ZNF232: variants seen among roughly 807,000 people sequenced by gnomAD.
ZNF232 encodes the protein zinc finger protein 232, also known as zinc finger and SCAN domain-containing protein 11.
ZNF232 carries 25 observed loss-of-function variants against 25.2 expected under a neutral mutation model. That is an observed-to-expected ratio of 0.99 (90% CI 0.72 to 1.39). The LOEUF (loss-of-function observed/expected upper bound fraction) is 1.39. ZNF232 is among the 40% of genes most tolerant of loss of function. The pLI, the probability that ZNF232 is intolerant of heterozygous loss-of-function variation, is 0.00. For synonymous variants in ZNF232, 193 were observed against 182.9 expected (o/e 1.06, Z -0.45); for missense variants, 519 against 520.9 (o/e 1.00, Z 0.04).
At chr17:5,119,283 A>G (rs2072599310) in intron 1 of ZNF232, among the ~76,000 whole-genome samples, 1 of 152,240 alleles carries the variant, frequency 6.6e-6, no homozygotes, top group Non-Finnish European at 1.5e-5. Context: ...GTTCCAAAGT[A>G]GACTGCTCCC....
chr17:5,109,708 C>T (rs1338755530), exon 2 of ZNF232: 1 of 1,614,160 alleles, frequency 6.2e-7, no homozygotes. Flanking sequence ...GTCTCATACT[C>T]ACAAGACTGT....
upstream of ZNF232, chr17:5,114,205 CTGAT>C (rs1368736817): frequency 1.3e-5 from 2 of 152,206 alleles, no homozygotes; most frequent in Admixed American, 6.5e-5. Context: ...GACCTGAGCT[CTGAT>C]TGAAAATTCT....
At chr17:5,113,593 C>T (rs2143645710), upstream of ZNF232, 1 of 152,358 alleles carries the variant, frequency 6.6e-6, no homozygotes, top group African/African-American at 2.4e-5. Flanking sequence ...TTAGCTGCTT[C>T]TGTATCTAAT....
At position 5,117,101 on chromosome 17, in the gene ZNF232, T is replaced by C. The variant is rs537901858; in HGVS notation, c.-529-4750A>G. Among the ~76,000 whole-genome samples the C allele has an allele frequency of 1.3e-3, 196 of 152,380 alleles. 1 individual carries two copies. Among genetic ancestry groups the C allele is most frequent in the African/African-American group, 4.4e-3 (184 of 41,584 alleles). ...ATATGCCTCTCCTTTTTGGCACTTATGGTTGCAACTTTATTAATGATTCTA... is the reference window on the plus strand; with the variant it reads ...ATATGCCTCTCCTTTTTGGCACTTACGGTTGCAACTTTATTAATGATTCTA... On this transcript the variant is annotated intron_variant, in intron 1 of 4. Coordinates refer to the ZNF232 transcript ENST00000250076.
intron 1 of ZNF232, chr17:5,118,121 A>G (rs2072575823): frequency 6.6e-6 from 1 of 151,722 alleles, no homozygotes; most frequent in South Asian, 2.1e-4. Flanking sequence ...ATTACTGGCT[A>G]GCATTCACTT....
rs1045603583 is a variant in ZNF232 at position 5,109,943 on chromosome 17, G to A, written c.24-75C>T. 3.2e-5 allele frequency: 45 copies of A among 1,396,632 alleles called. No individual in the cohort carries two copies. The African/African-American group carries it at 5.9e-4, about 18-fold the overall frequency. 86.5% of individuals were successfully genotyped at this position (1,396,632 alleles called of 1,614,324 possible). Reference sequence around the variant, plus strand: ...CTTTCTCTGTTACCCAGGCTGGAGTGCAGTGACATGATCTCAGCTCACTGC... The same window carrying A: ...CTTTCTCTGTTACCCAGGCTGGAGTACAGTGACATGATCTCAGCTCACTGC... On this transcript the variant is annotated intron_variant, in intron 1 of 3. Coordinates refer to ENST00000575898, the Ensembl canonical transcript of ZNF232.
At chr17:5,109,735 C>G in exon 2 of ZNF232, 4 of 1,614,136 alleles carry the variant, frequency 2.5e-6, no homozygotes, top group Non-Finnish European at 3.4e-6. Context: ...TCCTTTGGTC[C>G]CATCATCATC....
chr17:5,106,492 C>T, exon 4 of ZNF232: 1 of 1,613,116 alleles, frequency 6.2e-7, no homozygotes, highest in Non-Finnish European at 8.5e-7. Flanking sequence ...GGCTCTGGGC[C>T]ATCTTCTGTA....
chr17:5,121,913 G>A (rs1177513687), intron 1 of ZNF232, among the ~76,000 whole-genome samples: 3 of 152,200 alleles, frequency 2.0e-5, no homozygotes, highest in African/African-American at 4.8e-5. Context: ...TCTGATTGAG[G>A]AGCCTTGAAT....
intron 3 of ZNF232, among the ~76,000 whole-genome samples, chr17:5,107,257 G>C (rs549739007): frequency 6.6e-6 from 1 of 151,280 alleles, no homozygotes; most frequent in African/African-American, 2.4e-5. Context: ...GCATGATGGC[G>C]GGCGCCTGTA....
At chr17:5,113,196 A>G (rs2072459123), upstream of ZNF232, among the ~76,000 whole-genome samples, 1 of 152,184 alleles carries the variant, frequency 6.6e-6, no homozygotes, top group Non-Finnish European at 1.5e-5. Context: ...TGGGGGATAT[A>G]TTATCTTTTT....
chr17:5,111,837 G>A lies in ZNF232; in HGVS notation c.-15C>T, dbSNP rs1223034227. ...GGAGGTTCCATCGGGGCGCTGCCGC[G>A]AATCGCGCCACTTACAGCCCTCACC... is the stretch of plus-strand genomic sequence containing the variant. On this transcript the variant is annotated 5_prime_UTR_variant, in exon 1 of 4. Transcript: ENST00000575898. 2.5e-6 allele frequency: 4 copies of A among 1,613,612 alleles called. No individual in the cohort carries two copies. The South Asian group carries it at 3.3e-5, about 13-fold the overall frequency.
upstream of ZNF232, among the ~76,000 whole-genome samples, chr17:5,115,377 C>T (rs1019762503): frequency 5.3e-5 from 8 of 151,936 alleles, no homozygotes; most frequent in Admixed American, 4.6e-4. Flanking sequence ...CATGGTGAAA[C>T]CCTCTCTCTA....
intron 1 of ZNF232, 115 bp from the exon 2 acceptor site, chr17:5,109,983 G>A: frequency 9.9e-7 from 1 of 1,012,952 alleles, no homozygotes; most frequent in Non-Finnish European, 1.4e-6. Flanking sequence ...TCCACCCCCG[G>A]GGTTCTAGCG....
intron 1 of ZNF232, chr17:5,118,341 G>C (rs1304615939): frequency 6.6e-6 from 1 of 152,504 alleles, no homozygotes. Context: ...ACCAGCATGA[G>C]CAAGCTCTTT....
At chr17:5,119,342 T>G (rs745695206) in intron 1 of ZNF232, among the ~76,000 whole-genome samples, 4 of 152,336 alleles carry the variant, frequency 2.6e-5, no homozygotes, top group South Asian at 2.1e-4. Flanking sequence ...AATTGGACAT[T>G]ACTACATTAG....
At chr17:5,118,221 C>CGTGGGACTCAAGACAGGGGTGCCCTG (rs1401120481) in intron 1 of ZNF232, 7 of 152,438 alleles carry the variant, frequency 4.6e-5, no homozygotes, top group African/African-American at 1.4e-4. Flanking sequence ...TTGATTCCTT[C>CGTGGGACTCAAGACAGGGGTGCCCTG]GTGGGACTCA....
At chr17:5,107,239 T>G (rs761097222) in intron 3 of ZNF232, among the ~76,000 whole-genome samples, 1 of 150,772 alleles carries the variant, frequency 6.6e-6, no homozygotes, top group African/African-American at 2.4e-5. Context: ...ATACAGAAAA[T>G]TAGCCGAGCA....
exon 4 of ZNF232, chr17:5,106,401 G>A: frequency 6.2e-7 from 1 of 1,614,210 alleles, no homozygotes; most frequent in Middle Eastern, 1.6e-4. Context: ...AAATGTAGAG[G>A]TGTCAGTAGC....
Sources: allele counts gnomAD v4.1 joint callset (sites outside exome capture counted in the v4.1 genomes callset), GRCh38; gene constraint gnomAD v4.1.1; transcripts MANE v1.5; gene names NCBI Gene and HGNC (gene_info 2026-07-23, HGNC 2026-07-21).